The following BZW2 variants were observed in gnomAD, a reference collection of about 807,000 sequenced individuals.
The protein encoded by BZW2 is eIF5-mimic protein 1.
A neutral mutation model predicts 53.2 loss-of-function variants in BZW2; 23 were observed. That is an observed-to-expected ratio of 0.43 (90% CI 0.31 to 0.61). The LOEUF (loss-of-function observed/expected upper bound fraction) is 0.61, where lower values mean the gene tolerates loss of function less well. Ranked by LOEUF, BZW2 falls within the 20% of genes least tolerant of loss-of-function variation. The pLI is 0.09. For synonymous variants in BZW2, 227 were observed against 186.4 expected (o/e 1.22, Z -1.77); for missense variants, 409 against 503.1 (o/e 0.81, Z 1.79).
intron 3 of BZW2, among the ~76,000 whole-genome samples, chr7:16,675,846 G>A (rs1282262141): frequency 6.6e-6 from 1 of 152,150 alleles, no homozygotes; most frequent in Non-Finnish European, 1.5e-5. Context: ...TTGGGAGGCT[G>A]AGGCGGGCGG....
At chr7:16,667,067 A>C (rs1430825854) in intron 2 of BZW2, among the ~76,000 whole-genome samples, 1 of 151,778 alleles carries the variant, frequency 6.6e-6, no homozygotes, top group Non-Finnish European at 1.5e-5. Flanking sequence ...TGGATCACCT[A>C]AGGTTGGTAG....
At chr7:16,663,091 C>T (rs993334619) in intron 1 of BZW2, among the ~76,000 whole-genome samples, 2 of 152,154 alleles carry the variant, frequency 1.3e-5, no homozygotes, top group African/African-American at 4.8e-5. Context: ...CTGAATGAAA[C>T]TTTTGCAGTG....
At position 16,706,424 on chromosome 7, in the gene BZW2, C is replaced by G; in HGVS notation, c.*336C>G. The G allele has an allele frequency of 8.8e-6, 2 of 227,022 alleles. No individual in the cohort carries two copies. Among genetic ancestry groups the G allele is most frequent in the Non-Finnish European group, 8.5e-6 (1 of 116,994 alleles). The allele number at this position is 227,022 out of a possible 1,614,324, so 14.1% of individuals were successfully genotyped here. A position where few individuals can be genotyped will look rare whatever the true frequency, so the allele number is the denominator to read the frequency against. On this transcript the variant is annotated 3_prime_UTR_variant, in exon 12 of 12. Transcript: ENST00000258761. The stretch of plus-strand genomic sequence containing the variant: ...CAGGTACTGTGTGGTGACCGCCCCA[C>G]TGGTGTCTATTACAGGCCACTTTGG...
At chr7:16,670,521 A>G (rs548521058) in intron 2 of BZW2, among the ~76,000 whole-genome samples, 1 of 152,352 alleles carries the variant, frequency 6.6e-6, no homozygotes, top group Admixed American at 6.5e-5. Context: ...ACTGGTCACA[A>G]GACTTAATAT....
rs73312749 is a variant in BZW2, at chr7:16,652,306, G to A, written c.-8+6018G>A. ...ACGTTAATAAACACAACTGCATCTC[G>A]AATGCATCATATGTTGTCTTTAAAC... On this transcript the variant is annotated intron_variant, in intron 1 of 11. Coordinates refer to ENST00000258761, the MANE Select transcript of BZW2 (RefSeq NM_014038.3). 8.4e-3 allele frequency among the ~76,000 whole-genome samples: 1,278 copies of A among 152,112 alleles called. 20 individuals carry two copies. The highest frequency in any genetic ancestry group is 0.029 in the African/African-American group (1,208 of 41,474).
rs34052310 is a variant in BZW2 at position 16,682,767 on chromosome 7, G to GT, written c.340-3dup. On this transcript the variant is annotated splice_polypyrimidine_tract_variant and intron_variant, in intron 4 of 11. Transcript: ENST00000258761. Reference sequence around the variant, plus strand: ...TTGGTTGACCTAATATTTAATGGTTGTTTTTTTTTTAGGTCTTCAATAAAC... The same window carrying GT: ...TTGGTTGACCTAATATTTAATGGTTGTTTTTTTTTTTAGGTCTTCAATAAAC... 73,259 of 1,236,376 alleles carry GT rather than the reference G, an allele frequency of 0.059. 4,326 individuals carry two copies. The highest frequency in any genetic ancestry group is 0.39 in the African/African-American group (25,632 of 65,206). 76.6% of individuals were successfully genotyped at this position (1,236,376 alleles called of 1,614,324 possible). A position where few individuals can be genotyped will look rare whatever the true frequency, so the allele number is the denominator to read the frequency against.
At chr7:16,670,193 C>T (rs906797128) in intron 2 of BZW2, among the ~76,000 whole-genome samples, 1 of 152,166 alleles carries the variant, frequency 6.6e-6, no homozygotes, top group South Asian at 2.1e-4. Context: ...TCATTTTGAC[C>T]TACCACCCTT....
At chr7:16,646,811 CTTGTTAAAGATGTTTGGAAACAA>C (rs992178897) in intron 1 of BZW2, among the ~76,000 whole-genome samples, 146 of 152,296 alleles carry the variant, frequency 9.6e-4, no homozygotes, top group African/African-American at 3.4e-3. Context: ...CCCAATGTTG[CTTGTTAAAGATGTTTGGAAACAA>C]TTTACACTTG....
At chr7:16,688,856 A>AT (rs141123809) in intron 6 of BZW2, among the ~76,000 whole-genome samples, 13,855 of 151,744 alleles carry the variant, frequency 0.091, 1,730 homozygotes, top group African/African-American at 0.29. Context: ...CTTAATAATG[A>AT]TTTTTTTTTA....
At chr7:16,701,791 A>C (rs1188963672) in intron 10 of BZW2, among the ~76,000 whole-genome samples, 1 of 152,200 alleles carries the variant, frequency 6.6e-6, no homozygotes, top group Non-Finnish European at 1.5e-5. Flanking sequence ...AAATGAGATG[A>C]ACAAAATATA....
intron 10 of BZW2, among the ~76,000 whole-genome samples, chr7:16,700,996 G>T (rs1455891323): frequency 6.6e-6 from 1 of 151,986 alleles, no homozygotes; most frequent in Non-Finnish European, 1.5e-5. Context: ...AGAAACTTGG[G>T]CATATGATTA....
intron 5 of BZW2, 29 bp from the exon 6 acceptor site, chr7:16,685,876 C>CTTTTTTTTTTTTTT (rs34699573): frequency 1.2e-4 from 160 of 1,294,566 alleles, no homozygotes; most frequent in South Asian, 5.8e-4. Flanking sequence ...TTTTCTTTTT[C>CTTTTTTTTTTTTTT]TTTTTTTTTT....
At chr7:16,690,679 A>C (rs1317107617) in intron 7 of BZW2, among the ~76,000 whole-genome samples, 1 of 152,238 alleles carries the variant, frequency 6.6e-6, no homozygotes, top group Non-Finnish European at 1.5e-5. Flanking sequence ...TTTCCCTGGA[A>C]ATACTTAAGC....
At chr7:16,659,052 A>C (rs1782187631) in intron 1 of BZW2, among the ~76,000 whole-genome samples, 1 of 151,690 alleles carries the variant, frequency 6.6e-6, no homozygotes, top group African/African-American at 2.4e-5. Context: ...GCTTGAGCTC[A>C]AGAGTTCGAG....
chr7:16,665,308 GA>G (rs879064904), intron 1 of BZW2, 128 bp from the exon 2 acceptor site: 17,325 of 859,786 alleles, frequency 0.02, 2 homozygotes, highest in South Asian at 0.025. Context: ...TGTCTCAATT[GA>G]AAAAAAAAAA....
At chr7:16,682,437 T>C (rs2128362093) in intron 4 of BZW2, among the ~76,000 whole-genome samples, 1 of 152,328 alleles carries the variant, frequency 6.6e-6, no homozygotes, top group East Asian at 1.9e-4. Context: ...ATCACATCGT[T>C]GTCTAAGTGG....
intron 2 of BZW2, among the ~76,000 whole-genome samples, chr7:16,667,541 C>T (rs932148208): frequency 7.2e-5 from 11 of 152,262 alleles, no homozygotes; most frequent in Middle Eastern, 3.4e-3. Context: ...TCTTGCAGTG[C>T]TGTCTCCATT....
chr7:16,697,905 G>T, intron 9 of BZW2, 143 bp from the exon 10 acceptor site: 1 of 979,390 alleles, frequency 1.0e-6, no homozygotes. Flanking sequence ...TCACCCCATT[G>T]GGCACAATAT....
rs371494818 is a variant in BZW2, at chr7:16,677,773, C to T, written c.235+3185C>T. Among the ~76,000 whole-genome samples the T allele has an allele frequency of 3.9e-5, 6 of 152,046 alleles. No individual in the cohort carries two copies. In the East Asian group the frequency reaches 1.2e-3, roughly 29 times the overall value. ...TATCTGCTTGATAGTTTTGAAAAGG[C>T]CTGGTCCAGTAAATAATAATTTGGG... On this transcript the variant is annotated intron_variant, in intron 3 of 11. Coordinates refer to ENST00000258761, the MANE Select transcript of BZW2 (RefSeq NM_014038.3).
Sources: allele counts gnomAD v4.1 joint callset (sites outside exome capture counted in the v4.1 genomes callset), GRCh38; gene constraint gnomAD v4.1.1; transcripts MANE v1.5; gene names NCBI Gene and HGNC (gene_info 2026-07-23, HGNC 2026-07-21).